CLIC5: variants seen among roughly 807,000 people sequenced by gnomAD.
The protein encoded by CLIC5 is chloride intracellular channel protein 5.
CLIC5 carries 20 observed loss-of-function variants against 24.7 expected under a neutral mutation model. The observed-to-expected ratio is 0.81, with a 90% CI of 0.57 to 1.18. The LOEUF is 1.18. Ranked by LOEUF, CLIC5 falls within the 50% of genes most tolerant of loss-of-function variation. The pLI is 0.00. For synonymous variants in CLIC5, 159 were observed against 135.6 expected, an observed-to-expected ratio of 1.17 and a Z score of -1.20; for missense variants, 341 against 326.1, an observed-to-expected ratio of 1.05 and a Z score of -0.35.
intron 1 of CLIC5, among the ~76,000 whole-genome samples, chr6:46,043,775 C>T (rs1767880536): frequency 1.3e-5 from 2 of 152,064 alleles, no homozygotes. Flanking sequence ...GCTATGTCTC[C>T]ATTCACCAAT....
At chr6:45,962,019 T>A (rs1047685802) in intron 1 of CLIC5, among the ~76,000 whole-genome samples, 1 of 149,230 alleles carries the variant, frequency 6.7e-6, no homozygotes, top group Admixed American at 6.7e-5. Flanking sequence ...AACATGTATG[T>A]GTGTGTGTGT....
At chr6:46,010,931 G>A (rs756261313) in intron 1 of CLIC5, among the ~76,000 whole-genome samples, 7 of 152,156 alleles carry the variant, frequency 4.6e-5, no homozygotes, top group Non-Finnish European at 8.8e-5. Context: ...GCGGCCCAAG[G>A]TGACCAGGCA....
chr6:46,092,774 G>A, the CLIC5 span, among the ~76,000 whole-genome samples: 2 of 152,014 alleles, frequency 1.3e-5, no homozygotes, highest in African/African-American at 2.4e-5. Flanking sequence ...TATTGATAAG[G>A]AAAATCTACT....
In CLIC5 at chr6:46,004,495, G is replaced by A. The variant is rs140234922; in HGVS notation, c.63+10985C>T. Among the ~76,000 whole-genome samples the A allele has an allele frequency of 8.0e-3, 1,219 of 152,248 alleles. 14 individuals carry two copies. The highest frequency in any genetic ancestry group is 0.022 in the African/African-American group (894 of 41,518). Reference sequence around the variant, plus strand: ...GCCCAGCAAAGGAGTTGGCCGTCCCGCAGGGTGGCAGAACTACAGGGTGGA... The same window carrying A: ...GCCCAGCAAAGGAGTTGGCCGTCCCACAGGGTGGCAGAACTACAGGGTGGA... On this transcript the variant is annotated intron_variant, in intron 1 of 5. Transcript: ENST00000339561.
the CLIC5 span, among the ~76,000 whole-genome samples, chr6:46,109,897 G>A: frequency 1.4e-5 from 2 of 143,952 alleles, no homozygotes; most frequent in African/African-American, 4.9e-5. Context: ...CATGTCTGGG[G>A]TCCAGGGTCT....
At chr6:45,958,424 A>T (rs12198337) in intron 1 of CLIC5, among the ~76,000 whole-genome samples, 22,233 of 32,746 alleles carry the variant, frequency 0.68, 6,367 homozygotes, top group African/African-American at 0.72. Flanking sequence ...AAAGACAATT[A>T]TATATATATA....
intron 5 of CLIC5, among the ~76,000 whole-genome samples, chr6:45,908,655 TTTTTTTTA>T (rs1762727637): frequency 6.6e-6 from 1 of 152,022 alleles, no homozygotes; most frequent in South Asian, 2.1e-4. Flanking sequence ...ATAATTTCTA[TTTTTTTTA>T]ATTTATTGAG....
the CLIC5 span, among the ~76,000 whole-genome samples, chr6:46,086,783 T>G: frequency 6.6e-6 from 1 of 152,148 alleles, no homozygotes; most frequent in African/African-American, 2.4e-5. Flanking sequence ...TAGCATGATA[T>G]CCCCCATTTT....
chr6:46,056,858 CT>C (rs1438899371), intron 1 of CLIC5, among the ~76,000 whole-genome samples: 1 of 152,158 alleles, frequency 6.6e-6, no homozygotes, highest in African/African-American at 2.4e-5. Flanking sequence ...TTCCTGCCTA[CT>C]GCACAAATCA....
chr6:46,008,880 G>A (rs775921846), intron 1 of CLIC5, among the ~76,000 whole-genome samples: 11 of 152,100 alleles, frequency 7.2e-5, no homozygotes, highest in Non-Finnish European at 1.5e-4. Flanking sequence ...GTAGCGACTG[G>A]ACCATATTTT....
chr6:46,045,442 A>G lies in CLIC5; in HGVS notation c.540+34261T>C, dbSNP rs9349343. On this transcript the variant is annotated intron_variant, in intron 1 of 5. Transcript: ENST00000185206. ...AATATGACTCACCCTGGATTGACTC[A>G]GAGTATATATGACTTCATGAAACAC... 5.9e-5 allele frequency among the ~76,000 whole-genome samples: 9 copies of G among 152,230 alleles called. No homozygotes were observed. The East Asian group carries it at 1.7e-3, about 29-fold the overall frequency.
intron 4 of CLIC5, among the ~76,000 whole-genome samples, chr6:45,928,889 A>T (rs1394935427): frequency 6.6e-6 from 1 of 152,190 alleles, no homozygotes. Context: ...TAACGGTAGG[A>T]AGAGGTGAAA....
chr6:46,002,111 A>G (rs1470546841), intron 1 of CLIC5, among the ~76,000 whole-genome samples: 1 of 152,224 alleles, frequency 6.6e-6, no homozygotes, highest in Admixed American at 6.5e-5. Flanking sequence ...CTGGGCCTCA[A>G]GGAGGAATGA....
At chr6:45,979,122 C>A (rs959643801) in intron 1 of CLIC5, among the ~76,000 whole-genome samples, 3 of 152,082 alleles carry the variant, frequency 2.0e-5, no homozygotes, top group African/African-American at 7.2e-5. Flanking sequence ...TGGGATATAA[C>A]CTTGGACAAG....
chr6:46,070,118 A>G (rs1762551873), intron 1 of CLIC5, among the ~76,000 whole-genome samples: 1 of 152,312 alleles, frequency 6.6e-6, no homozygotes, highest in African/African-American at 2.4e-5. Context: ...CCAACATCAT[A>G]CTGAATGAAC....
chr6:46,006,868 C>G (rs565910175), intron 1 of CLIC5, among the ~76,000 whole-genome samples: 1 of 151,684 alleles, frequency 6.6e-6, no homozygotes, highest in South Asian at 2.1e-4. Flanking sequence ...CTAGAGACGG[C>G]GTTTCACCAT....
chr6:46,079,756 A>G (rs2127479191), exon 1 of CLIC5: 1 of 1,551,842 alleles, frequency 6.4e-7, no homozygotes, highest in Non-Finnish European at 8.7e-7. Flanking sequence ...TTTTCTTCCA[A>G]ACCTTCAGCA....
intron 2 of CLIC5, among the ~76,000 whole-genome samples, chr6:45,951,547 G>A (rs1025826548): frequency 6.6e-6 from 1 of 152,092 alleles, no homozygotes; most frequent in Non-Finnish European, 1.5e-5. Flanking sequence ...TGCGCCAGCT[G>A]GTCAGAATGC....
intron 1 of CLIC5, among the ~76,000 whole-genome samples, chr6:45,995,597 A>G (rs1213871435): frequency 6.6e-6 from 1 of 152,240 alleles, no homozygotes; most frequent in Admixed American, 6.5e-5. Flanking sequence ...CTGAAGTTGT[A>G]AAATAAATCT....
Sources: gnomAD v4.1 joint callset for allele counts (sites outside exome capture counted in the v4.1 genomes callset) on GRCh38, gnomAD v4.1.1 for gene constraint, MANE v1.5 for transcripts, NCBI Gene and HGNC (gene_info 2026-07-23, HGNC 2026-07-21) for gene names.